The following IFNG-AS1 variants were observed in gnomAD, a reference collection of about 807,000 sequenced individuals.
IFNG-AS1 encodes IFNG antisense RNA 1 (non-protein coding).
At chr12:68,008,143 G>T (rs2870962) in intron 3 of IFNG-AS1, among the ~76,000 whole-genome samples, 1 of 152,026 alleles carries the variant, frequency 6.6e-6, no homozygotes, top group African/African-American at 2.4e-5. Context: ...ACAGCCAGGC[G>T]CAGTGGCTCA....
intron 2 of IFNG-AS1, among the ~76,000 whole-genome samples, chr12:68,004,332 T>C (rs1283344895): frequency 6.6e-6 from 1 of 152,190 alleles, no homozygotes; most frequent in African/African-American, 2.4e-5. Context: ...CAGCTTCCTC[T>C]CTCTCCCCAG....
chr12:68,008,289 G>A (rs536732385), intron 3 of IFNG-AS1, among the ~76,000 whole-genome samples: 6 of 152,074 alleles, frequency 3.9e-5, no homozygotes, highest in Admixed American at 1.3e-4. Flanking sequence ...GGTGGTGGGC[G>A]CCTGTAGTCC....
At chr12:68,003,223 C>T (rs1367281146) in intron 2 of IFNG-AS1, among the ~76,000 whole-genome samples, 1 of 152,038 alleles carries the variant, frequency 6.6e-6, no homozygotes, top group African/African-American at 2.4e-5. Context: ...TCATTTTCCT[C>T]TTTAGAAATG....
intron 2 of IFNG-AS1, chr12:68,001,378 T>C (rs1282219178): frequency 1.0e-5 from 2 of 200,460 alleles, no homozygotes; most frequent in East Asian, 1.2e-4. Flanking sequence ...CTGAGTGCCA[T>C]CTCATGTGCA....
intron 3 of IFNG-AS1, among the ~76,000 whole-genome samples, chr12:68,011,264 C>A (rs138448971): frequency 6.6e-6 from 1 of 152,194 alleles, no homozygotes; most frequent in Non-Finnish European, 1.5e-5. Context: ...TACAAGTAAT[C>A]GAGTAAGGTA....
At chr12:67,990,512 C>A (rs926542747) in intron 1 of IFNG-AS1, among the ~76,000 whole-genome samples, 10 of 152,114 alleles carry the variant, frequency 6.6e-5, no homozygotes, top group Admixed American at 1.3e-4. Flanking sequence ...ATAGAAACAT[C>A]TGAACATCTT....
chr12:68,007,339 T>C (rs1879928749), intron 3 of IFNG-AS1, among the ~76,000 whole-genome samples: 1 of 152,224 alleles, frequency 6.6e-6, no homozygotes, highest in African/African-American at 2.4e-5. Context: ...GCTCTACTAA[T>C]TGTCAGTGGA....
chr12:67,992,619 A>G (rs1307029938), intron 1 of IFNG-AS1, among the ~76,000 whole-genome samples: 1 of 152,204 alleles, frequency 6.6e-6, no homozygotes, highest in Non-Finnish European at 1.5e-5. Flanking sequence ...TACATGCTAT[A>G]AAAGCCTTTT....
At chr12:68,020,388 G>A (rs992472694) in intron 4 of IFNG-AS1, 2 of 152,110 alleles carry the variant, frequency 1.3e-5, no homozygotes, top group African/African-American at 2.4e-5. Context: ...GTTTGACATC[G>A]ACAGTACAGG....
chr12:68,007,169 C>T (rs1879925136), intron 3 of IFNG-AS1, among the ~76,000 whole-genome samples: 1 of 152,282 alleles, frequency 6.6e-6, no homozygotes, highest in African/African-American at 2.4e-5. Context: ...CCCTGTGCTT[C>T]CATGCCTCCA....
chr12:68,014,654 C>T (rs1592829373), intron 3 of IFNG-AS1, among the ~76,000 whole-genome samples: 1 of 152,222 alleles, frequency 6.6e-6, no homozygotes, highest in Admixed American at 6.6e-5. Flanking sequence ...TCCTGGTTTG[C>T]CAGCAGACTG....
At chr12:68,012,836 G>A (rs1380159804) in intron 3 of IFNG-AS1, among the ~76,000 whole-genome samples, 3 of 152,216 alleles carry the variant, frequency 2.0e-5, no homozygotes, top group Non-Finnish European at 4.4e-5. Flanking sequence ...GCTATCAAGT[G>A]CAGAAAGAGA....
At chr12:68,005,380 ACATGCATGCACACGTG>A (rs2120448466) in intron 2 of IFNG-AS1, among the ~76,000 whole-genome samples, 1 of 152,166 alleles carries the variant, frequency 6.6e-6, no homozygotes, top group Non-Finnish European at 1.5e-5. Context: ...ATGCGCACAC[ACATGCATGCACACGTG>A]CATACACATG....
At position 68,018,301 on chromosome 12, in the gene IFNG-AS1, G is replaced by T. The variant is rs12813391; in HGVS notation, n.242-1561G>T. On this transcript the variant is annotated intron_variant and non_coding_transcript_variant, in intron 3 of 5. Coordinates refer to ENST00000536914, the Ensembl canonical transcript of IFNG-AS1. ...TTATATCCACAGAACCTAGTCTGTT[G>T]TTGTAGCTTGAGGCACAGAATGAAT... 3.9e-3 allele frequency among the ~76,000 whole-genome samples: 591 copies of T among 152,224 alleles called. 3 individuals carry two copies. Among genetic ancestry groups the T allele is most frequent in the Middle Eastern group, 6.8e-3 (2 of 294 alleles).
chr12:67,992,467 C>T (rs1003067911), intron 1 of IFNG-AS1, among the ~76,000 whole-genome samples: 1 of 152,192 alleles, frequency 6.6e-6, no homozygotes, highest in Non-Finnish European at 1.5e-5. Context: ...TTGGAGGACA[C>T]ATATACTGTT....
rs148879291 is a variant in IFNG-AS1 at position 67,995,658 on chromosome 12, G to A, written n.52-283G>A. On this transcript the variant is annotated intron_variant and non_coding_transcript_variant, in intron 1 of 5. Transcript: ENST00000536914. The stretch of plus-strand genomic sequence containing the variant: ...AATCACTTGAACCTGGGAGGCAGAG[G>A]TTGCAGTGAGCCAAGATTGCGCCAC... Among the ~76,000 whole-genome samples the A allele has an allele frequency of 5.4e-3, 807 of 150,264 alleles. 9 individuals are homozygous for A. The highest frequency in any genetic ancestry group is 0.019 in the African/African-American group (779 of 40,868).
At chr12:68,012,381 C>T (rs1880052456) in intron 3 of IFNG-AS1, among the ~76,000 whole-genome samples, 1 of 152,146 alleles carries the variant, frequency 6.6e-6, no homozygotes, top group South Asian at 2.1e-4. Flanking sequence ...CCATGACAGC[C>T]ACTGGTCAGG....
chr12:68,016,916 T>C (rs12227994), intron 3 of IFNG-AS1, among the ~76,000 whole-genome samples: 5,771 of 152,292 alleles, frequency 0.038, 283 homozygotes, highest in East Asian at 0.25. Context: ...CCATGGTGAA[T>C]GCAGCAGGCA....
At chr12:68,019,246 CAAT>C (rs1400830740) in intron 3 of IFNG-AS1, among the ~76,000 whole-genome samples, 9 of 152,088 alleles carry the variant, frequency 5.9e-5, no homozygotes, top group African/African-American at 1.4e-4. Context: ...ATAATGATGA[CAAT>C]GATGATAATC....
Sources: allele counts gnomAD v4.1 joint callset (sites outside exome capture counted in the v4.1 genomes callset), GRCh38; gene constraint gnomAD v4.1.1; transcripts MANE v1.5; gene names NCBI Gene and HGNC (gene_info 2026-07-23, HGNC 2026-07-21).